Variants in MFSD12 observed in about 807,000 individuals in gnomAD.
The protein encoded by MFSD12 is major facilitator superfamily domain containing 12, also known as major facilitator superfamily domain-containing protein 12.
Under a neutral mutation model 51.2 loss-of-function variants are expected in MFSD12, and 67 were observed. The observed-to-expected ratio is 1.31, with a 90% CI of 1.08 to 1.60. MFSD12 has a LOEUF of 1.60. Ranked by LOEUF, MFSD12 falls within the 40% of genes most tolerant of loss-of-function variation. The probability of loss-of-function intolerance (pLI) is 0.00; values close to 1 mark genes in which losing one functional copy is unlikely to be tolerated. For missense variants in MFSD12, 921 were observed against 673.0 expected (o/e 1.37, Z -4.08); for synonymous variants, 441 against 316.7 (o/e 1.39, Z -4.17).
chr19:3,544,353 ACC>A lies in MFSD12; in HGVS notation c.*355_*356del. 11 of 1,263,882 alleles carry A rather than the reference ACC, an allele frequency of 8.7e-6. No homozygotes were observed. The highest frequency in any genetic ancestry group is 1.1e-5 in the Non-Finnish European group (11 of 1,004,116). 78.3% of individuals were successfully genotyped at this position (1,263,882 alleles called of 1,614,324 possible). ...GAGGGGGCCCTGGCAGTGTCTGGAG[ACC>A]CCCAGGCTGGAGGTGAGGGGTGAAC... is the stretch of plus-strand genomic sequence containing the variant. On this transcript the variant is annotated 3_prime_UTR_variant, in exon 10 of 10. Coordinates refer to ENST00000355415, the MANE Select transcript of MFSD12 (RefSeq NM_174983.5).
intron 2 of MFSD12, 104 bp downstream of exon 2, chr19:3,550,880 G>T: frequency 2.2e-6 from 2 of 921,106 alleles, no homozygotes; most frequent in Non-Finnish European, 3.3e-6. Context: ...AGACTGCCTG[G>T]TCTCGAGCTG....
chr19:3,549,579 C>T (rs1301773143), intron 2 of MFSD12, among the ~76,000 whole-genome samples: 8 of 150,306 alleles, frequency 5.3e-5, no homozygotes, highest in Admixed American at 3.3e-4. Context: ...AAAAATTAGC[C>T]GGGGGTGGTG....
At chr19:3,543,223 G>T, downstream of MFSD12, 1 of 1,540,616 alleles carries the variant, frequency 6.5e-7, no homozygotes. Context: ...TCTGCCCCCT[G>T]CCCACCCTCA....
At chr19:3,546,230 A>T (rs766810177) in intron 7 of MFSD12, 25 bp downstream of exon 7, 1 of 1,604,188 alleles carries the variant, frequency 6.2e-7, no homozygotes, top group Non-Finnish European at 8.5e-7. Flanking sequence ...GGCCTCCCCC[A>T]CCCCAGCCTG....
intron 1 of MFSD12, among the ~76,000 whole-genome samples, chr19:3,555,148 G>A (rs545930160): frequency 1.5e-4 from 23 of 152,160 alleles, no homozygotes; most frequent in African/African-American, 3.4e-4. Flanking sequence ...ACAGACTCTC[G>A]CTGTGTCTGG....
In MFSD12 at chr19:3,547,471, G is replaced by A. The variant is rs201169405; in HGVS notation, c.914C>T (p.Ser305Leu). ...QTYMAMYLTY[S>L]LHLPKKFIAT... The stretch of plus-strand genomic sequence containing the variant: ...TCTGCTCACCTTGGGCAGGTGGAGC[G>A]AGTAGGTGAGGTACATGGCCATGTA... Residue 305 changes from serine to leucine, a missense_variant, in exon 5 of 10, where the codon TCG becomes TTG. Ser to Leu is a moderately radical substitution (Grantham distance 145, BLOSUM62 -2). Coordinates refer to ENST00000355415, the MANE Select transcript of MFSD12 (RefSeq NM_174983.5). 70 of 1,613,110 alleles carry A rather than the reference G, an allele frequency of 4.3e-5. No individual in the cohort carries two copies. The highest frequency in any genetic ancestry group is 2.7e-4 in the South Asian group (25 of 91,070).
chr19:3,542,617 G>A, downstream of MFSD12: 1 of 757,598 alleles, frequency 1.3e-6, no homozygotes, highest in South Asian at 6.0e-5. Context: ...GGGATTACAG[G>A]TGCCCCCCGC....
Position 3,546,387 on chromosome 19 carries a change from A to G in MFSD12, c.1062T>C (p.Phe354=). 6.2e-7 allele frequency: 1 copy of G among 1,608,358 alleles called. No individual in the cohort carries two copies. Among genetic ancestry groups the G allele is most frequent in the Non-Finnish European group, 8.5e-7 (1 of 1,178,032 alleles). Residue 354 remains phenylalanine, a synonymous_variant, in exon 7 of 10, where the codon TTT becomes TTC. Transcript: ENST00000355415. ...YFSGLLVILA[F]AAWVALAEGL... Reference sequence around the variant, plus strand: ...CCTCCGCCAGCGCCACCCAGGCGGCAAAGGCCAGGATCACCAGGAGGCCTG... The same window carrying G: ...CCTCCGCCAGCGCCACCCAGGCGGCGAAGGCCAGGATCACCAGGAGGCCTG...
intron 4 of MFSD12, chr19:3,539,105 A>G: frequency 3.9e-6 from 4 of 1,017,942 alleles, no homozygotes; most frequent in Non-Finnish European, 3.0e-6. Flanking sequence ...TTGCCGAGAC[A>G]CTGGGTGGCC....
chr19:3,539,416 C>A (rs1018328621), downstream of MFSD12: 9 of 592,922 alleles, frequency 1.5e-5, no homozygotes, highest in Admixed American at 2.2e-4. Flanking sequence ...CTTCCTGTTC[C>A]CCTCCGGCCA....
rs1394399136 is a variant in MFSD12 at position 3,547,556 on chromosome 19, A to AGACC, written c.838-13_838-10dup. The AGACC allele has an allele frequency of 6.2e-7, 1 of 1,603,504 alleles. No homozygotes were observed. Among genetic ancestry groups the AGACC allele is most frequent in the Non-Finnish European group, 8.5e-7 (1 of 1,175,072 alleles). ...ATGTACAGTATGCCCACCTGTGGGC[A>AGACC]GACCGACAGAGGGACTGGCAGGGGT... On this transcript the variant is annotated splice_polypyrimidine_tract_variant and intron_variant, in intron 4 of 9. Coordinates refer to ENST00000355415, the MANE Select transcript of MFSD12 (RefSeq NM_174983.5).
chr19:3,538,889 G>C, intron 4 of MFSD12: 2 of 641,676 alleles, frequency 3.1e-6, no homozygotes, highest in South Asian at 1.5e-5. Flanking sequence ...AGCCCCTCAA[G>C]GGGGTGTGGA....
At position 3,547,805 on chromosome 19, in the gene MFSD12, G is replaced by A. The variant is rs1211866026; in HGVS notation, c.837+43C>T. Reference sequence around the variant, plus strand: ...CCCACAGAGCAAAGGCCCTGTGGGTGGGAGAGAAGGCCCACGCCAGCCCCA... The same window carrying A: ...CCCACAGAGCAAAGGCCCTGTGGGTAGGAGAGAAGGCCCACGCCAGCCCCA... On this transcript the variant is annotated intron_variant, in intron 4 of 9. Coordinates refer to ENST00000355415, the MANE Select transcript of MFSD12 (RefSeq NM_174983.5). The A allele has an allele frequency of 4.1e-6, 6 of 1,459,762 alleles. No homozygotes were observed. The South Asian group carries it at 7.2e-5, about 18-fold the overall frequency. The allele number at this position is 1,459,762 out of a possible 1,614,324, so 90.4% of individuals were successfully genotyped here.
chr19:3,544,989 G>C (rs201185359), intron 8 of MFSD12, 50 bp from the exon 9 acceptor site: 3 of 1,542,186 alleles, frequency 1.9e-6, no homozygotes, highest in Non-Finnish European at 2.6e-6. Flanking sequence ...CCACCCCCCC[G>C]CCACCCAAGC....
Position 3,557,272 on chromosome 19 carries a change from C to A in MFSD12, c.132G>T (p.Leu44=). 14 of 1,597,934 alleles carry A rather than the reference C, an allele frequency of 8.8e-6. No homozygotes were observed. The highest frequency in any genetic ancestry group is 1.2e-5 in the Non-Finnish European group (14 of 1,173,710). ...AGGCGCGCACCGAGTGCAGGTAGAG[C>A]AGCAGGTAGGTGAACCACATGGACG... The part of the protein sequence containing the change: ...LCASMWFTYL[L]LYLHSVRAYS... The change falls in exon 1 of 10, where the codon CTG becomes CTT. Residue 44 remains leucine, a synonymous_variant. Coordinates refer to ENST00000355415, the MANE Select transcript of MFSD12 (RefSeq NM_174983.5).
At chr19:3,541,488 A>C (rs541337784), downstream of MFSD12, 12 of 180,924 alleles carry the variant, frequency 6.6e-5, 1 homozygote, top group South Asian at 2.3e-3. Context: ...ACGCCCGGCT[A>C]ATTTTTGTAT....
intron 1 of MFSD12, among the ~76,000 whole-genome samples, chr19:3,552,467 CTTTTT>C (rs397859575): frequency 1.5e-5 from 1 of 65,194 alleles, no homozygotes; most frequent in Non-Finnish European, 2.7e-5. Flanking sequence ...CGCGCCCCGC[CTTTTT>C]TTTTTTTTTT....
At position 3,547,229 on chromosome 19, in the gene MFSD12, C is replaced by T. The variant is rs11882042; in HGVS notation, c.1023+43G>A. On this transcript the variant is annotated intron_variant, in intron 6 of 9. Transcript: ENST00000355415. ...CGGGTGGGATCTCGGCTGCAGGGCA[C>T]CCCATCCTCCGCCCCAGCTGTCCCC... 6.1e-3 allele frequency: 9,428 copies of T among 1,551,042 alleles called. 413 individuals carry two copies. The African/African-American group carries it at 0.11, about 18-fold the overall frequency.
At chr19:3,549,203 T>G (rs1176801558) in intron 2 of MFSD12, among the ~76,000 whole-genome samples, 1 of 152,152 alleles carries the variant, frequency 6.6e-6, no homozygotes, top group Non-Finnish European at 1.5e-5. Flanking sequence ...AGCAAGTTAG[T>G]GGATAAGCCG....
Sources: gnomAD v4.1 joint callset for allele counts (sites outside exome capture counted in the v4.1 genomes callset) on GRCh38, gnomAD v4.1.1 for gene constraint, MANE v1.5 for transcripts, NCBI Gene and HGNC (gene_info 2026-07-23, HGNC 2026-07-21) for gene names.